AGTPBP1: variants seen among roughly 807,000 people sequenced by gnomAD.
AGTPBP1 encodes the protein cytosolic carboxypeptidase 1.
AGTPBP1 carries 70 observed loss-of-function variants against 143.9 expected under a neutral mutation model. The ratio of observed to expected loss-of-function variants is 0.49; its 90% CI spans 0.40 to 0.59. The LOEUF (loss-of-function observed/expected upper bound fraction) is 0.59. AGTPBP1 is among the 20% of genes least tolerant of loss of function. AGTPBP1 has a pLI of 0.00. For missense variants in AGTPBP1, 1,229 were observed against 1,464.5 expected, an observed-to-expected ratio of 0.84 and a Z score of 2.62; for synonymous variants, 463 against 500.2, an observed-to-expected ratio of 0.93 and a Z score of 0.99.
At chr9:85,573,521 G>A (rs1165419047) in intron 25 of AGTPBP1, among the ~76,000 whole-genome samples, 3 of 151,994 alleles carry the variant, frequency 2.0e-5, no homozygotes, top group Admixed American at 6.5e-5. Flanking sequence ...CTGCCTGGCC[G>A]CCACCCCGTC....
intron 2 of AGTPBP1, among the ~76,000 whole-genome samples, chr9:85,704,713 G>T (rs897786121): frequency 1.3e-5 from 2 of 152,142 alleles, no homozygotes; most frequent in Admixed American, 6.5e-5. Flanking sequence ...CCTATCAAAA[G>T]TTACCAGGCA....
intron 3 of AGTPBP1, among the ~76,000 whole-genome samples, chr9:85,691,522 C>CA (rs35202350): frequency 0.091 from 12,611 of 138,280 alleles, 973 homozygotes; most frequent in East Asian, 0.46. Flanking sequence ...TTCTCTTATC[C>CA]AAAAAAAAAA....
At chr9:85,694,622 C>CT (rs1186536656) in intron 2 of AGTPBP1, among the ~76,000 whole-genome samples, 1 of 152,162 alleles carries the variant, frequency 6.6e-6, no homozygotes, top group Non-Finnish European at 1.5e-5. Context: ...CTTGCCCCTT[C>CT]TTTGAGATCC....
chr9:85,625,884 CA>C (rs1296603638), intron 14 of AGTPBP1, among the ~76,000 whole-genome samples: 6 of 73,226 alleles, frequency 8.2e-5, no homozygotes, highest in Admixed American at 1.5e-4. Flanking sequence ...GACCCTGTCT[CA>C]AAAAAAAAAC....
chr9:85,782,515 C>CA, the AGTPBP1 span, among the ~76,000 whole-genome samples: 25 of 147,042 alleles, frequency 1.7e-4, no homozygotes, highest in African/African-American at 4.5e-4. Context: ...AACTCTGTCT[C>CA]AAAAAAAAAA....
chr9:85,780,037 A>G, the AGTPBP1 span, among the ~76,000 whole-genome samples: 2 of 152,210 alleles, frequency 1.3e-5, no homozygotes, highest in South Asian at 4.1e-4. Flanking sequence ...TTTTTAAAAC[A>G]AGATGATGGA....
chr9:85,659,190 T>C (rs1259468861), intron 9 of AGTPBP1, among the ~76,000 whole-genome samples: 1 of 152,216 alleles, frequency 6.6e-6, no homozygotes, highest in African/African-American at 2.4e-5. Flanking sequence ...CAATCTGTGC[T>C]GAGCACAATT....
intron 14 of AGTPBP1, among the ~76,000 whole-genome samples, chr9:85,628,359 A>C (rs998244638): frequency 3.9e-5 from 6 of 152,234 alleles, no homozygotes; most frequent in Non-Finnish European, 7.3e-5. Flanking sequence ...ATGGCAGGAA[A>C]ATGGAGCGAC....
chr9:85,729,690 A>G (rs1838753473), intron 1 of AGTPBP1, among the ~76,000 whole-genome samples: 2 of 152,148 alleles, frequency 1.3e-5, no homozygotes, highest in Non-Finnish European at 2.9e-5. Flanking sequence ...AATAGCAAAA[A>G]AAAAAAGAAT....
intron 1 of AGTPBP1, among the ~76,000 whole-genome samples, chr9:85,729,356 A>G (rs78812212): frequency 0.028 from 4,241 of 152,312 alleles, 199 homozygotes; most frequent in African/African-American, 0.096. Flanking sequence ...TACAACATAA[A>G]TGAACCTTGA....
chr9:85,779,242 GATATCT>G, the AGTPBP1 span, among the ~76,000 whole-genome samples: 39 of 117,866 alleles, frequency 3.3e-4, no homozygotes, highest in East Asian at 1.4e-3. Flanking sequence ...TATAGATATA[GATATCT>G]ATATAAATAT....
At chr9:85,645,146 A>G (rs763950126) in intron 12 of AGTPBP1, among the ~76,000 whole-genome samples, 35 of 152,118 alleles carry the variant, frequency 2.3e-4, no homozygotes, top group Non-Finnish European at 3.2e-4. Context: ...TAGGGTTGCT[A>G]TAAGGATCTA....
intron 25 of AGTPBP1, among the ~76,000 whole-genome samples, chr9:85,562,166 T>TA (rs1251903279): frequency 6.7e-6 from 1 of 150,078 alleles, no homozygotes; most frequent in Admixed American, 6.6e-5. Flanking sequence ...TAAAATCAGT[T>TA]AAGAGAATAA....
At chr9:85,797,809 G>A in the AGTPBP1 span, among the ~76,000 whole-genome samples, 1 of 152,180 alleles carries the variant, frequency 6.6e-6, no homozygotes, top group Non-Finnish European at 1.5e-5. Flanking sequence ...ACACACCACG[G>A]GTTGGAAAAG....
intron 3 of AGTPBP1, among the ~76,000 whole-genome samples, chr9:85,684,535 T>C (rs974463453): frequency 6.6e-6 from 1 of 152,040 alleles, no homozygotes; most frequent in African/African-American, 2.4e-5. Flanking sequence ...TCCCCCTCTA[T>C]TTCCCTCTTT....
chr9:85,642,280 C>T (rs1832526827), intron 13 of AGTPBP1, among the ~76,000 whole-genome samples: 1 of 152,052 alleles, frequency 6.6e-6, no homozygotes, highest in Admixed American at 6.6e-5. Flanking sequence ...AAACTGTGTC[C>T]ATTAAAGTGA....
intron 19 of AGTPBP1, among the ~76,000 whole-genome samples, chr9:85,591,930 CTTTG>C (rs199788394): frequency 0.015 from 2,302 of 152,126 alleles, 47 homozygotes; most frequent in African/African-American, 0.052. Context: ...AATTACTAGA[CTTTG>C]TTTGTTTAGT....
the AGTPBP1 span, among the ~76,000 whole-genome samples, chr9:85,798,763 A>T: frequency 6.6e-6 from 1 of 152,172 alleles, no homozygotes; most frequent in Non-Finnish European, 1.5e-5. Context: ...CACCACATTT[A>T]AGAATGAGGT....
chr9:85,584,171 C>T (rs970767164), intron 23 of AGTPBP1, among the ~76,000 whole-genome samples: 2 of 152,012 alleles, frequency 1.3e-5, no homozygotes, highest in East Asian at 3.9e-4. Flanking sequence ...CTAAATATTC[C>T]CCTTTTCTAT....
Sources: gnomAD v4.1 joint callset for allele counts (sites outside exome capture counted in the v4.1 genomes callset) on GRCh38, gnomAD v4.1.1 for gene constraint, MANE v1.5 for transcripts, NCBI Gene and HGNC (gene_info 2026-07-23, HGNC 2026-07-21) for gene names.